PRKCE: variants seen among roughly 807,000 people sequenced by gnomAD.
The protein encoded by PRKCE is protein kinase C epsilon, also known as protein kinase C epsilon type.
A neutral mutation model predicts 85.4 loss-of-function variants in PRKCE; 16 were observed. The ratio of observed to expected loss-of-function variants is 0.19; its 90% CI spans 0.13 to 0.28. The LOEUF (loss-of-function observed/expected upper bound fraction) is 0.28, where lower values mean the gene tolerates loss of function less well. PRKCE is among the 10% of genes least tolerant of loss of function. PRKCE has a pLI of 1.00. For synonymous variants in PRKCE, 388 were observed against 371.5 expected (o/e 1.04, Z -0.51); for missense variants, 573 against 975.2 (o/e 0.59, Z 5.49).
chr2:45,915,555 T>G (rs1169425000), intron 2 of PRKCE, among the ~76,000 whole-genome samples: 1 of 152,226 alleles, frequency 6.6e-6, no homozygotes, highest in East Asian at 1.9e-4. Flanking sequence ...AAGTTGTTTC[T>G]ACCTGAGGAG....
intron 10 of PRKCE, among the ~76,000 whole-genome samples, chr2:46,051,287 G>A (rs1264473131): frequency 6.6e-6 from 1 of 152,172 alleles, no homozygotes; most frequent in East Asian, 1.9e-4. Flanking sequence ...CTGGGCTGGT[G>A]GTTTCTGGTG....
chr2:46,139,972 A>G lies in PRKCE; in HGVS notation c.1593-5121A>G, dbSNP rs1205054035. Among the ~76,000 whole-genome samples, 2 of 152,192 alleles carry G rather than the reference A, an allele frequency of 1.3e-5. No individual in the cohort carries two copies. The highest frequency in any genetic ancestry group is 4.8e-5 in the African/African-American group (2 of 41,456). On this transcript the variant is annotated intron_variant, in intron 11 of 14. Transcript: ENST00000306156. This position sits in a 1 kb window ranked among gnomAD's most constrained non-coding sequence, Gnocchi z 5.2. ...AGTGAGAATAGATATTGGGACAACC[A>G]GAAATCTGCCATAAAATGTCATAAG... is the stretch of plus-strand genomic sequence containing the variant.
At chr2:45,673,885 A>G (rs543730418) in intron 1 of PRKCE, among the ~76,000 whole-genome samples, 4 of 152,312 alleles carry the variant, frequency 2.6e-5, no homozygotes, top group Non-Finnish European at 5.9e-5. Flanking sequence ...TTCCTATGGA[A>G]TTACATTGGC....
intron 6 of PRKCE, among the ~76,000 whole-genome samples, chr2:45,993,393 C>T (rs1703966540): frequency 6.6e-6 from 1 of 152,210 alleles, no homozygotes; most frequent in East Asian, 1.9e-4. Context: ...CACTATCTCA[C>T]ATCGTGCATG....
chr2:45,888,186 C>T (rs1056429903), intron 2 of PRKCE, among the ~76,000 whole-genome samples: 1 of 152,162 alleles, frequency 6.6e-6, no homozygotes, highest in Non-Finnish European at 1.5e-5. Flanking sequence ...TGGCAAAAGG[C>T]GCTGGGTTTG....
chr2:45,875,370 G>A (rs1267385647), intron 2 of PRKCE, among the ~76,000 whole-genome samples: 2 of 152,218 alleles, frequency 1.3e-5, no homozygotes, highest in Non-Finnish European at 2.9e-5. Flanking sequence ...CTAATGCAAT[G>A]TCCACAACCA....
intron 10 of PRKCE, among the ~76,000 whole-genome samples, chr2:46,066,019 G>T (rs1163826926): frequency 6.6e-6 from 1 of 152,120 alleles, no homozygotes; most frequent in Non-Finnish European, 1.5e-5. Context: ...CATCCGTCAA[G>T]ACTATTTAAC....
Position 46,068,101 on chromosome 2 carries a change from C to T in PRKCE, c.1438-18107C>T, listed in dbSNP as rs1464239714. ...GAGAGAGACTGGGGGTTTGTCTGCA[C>T]TTTTACATTATCAGTGGGTAGAATC... On this transcript the variant is annotated intron_variant, in intron 10 of 14. Coordinates refer to ENST00000306156, the MANE Select transcript of PRKCE (RefSeq NM_005400.3). The surrounding 1 kb of genome is among the most constrained non-coding windows in gnomAD (Gnocchi z 4.3). Among the ~76,000 whole-genome samples, 1 of 152,156 alleles carries T rather than the reference C, an allele frequency of 6.6e-6. No homozygotes were observed. Among genetic ancestry groups the T allele is most frequent in the Non-Finnish European group, 1.5e-5 (1 of 68,036 alleles).
chr2:45,973,251 C>G (rs920234851), intron 2 of PRKCE, among the ~76,000 whole-genome samples: 4 of 152,182 alleles, frequency 2.6e-5, no homozygotes, highest in Non-Finnish European at 2.9e-5. Flanking sequence ...TTGTATAGGC[C>G]ACTTTCTTCT....
rs116144657 is a variant in PRKCE, at chr2:45,653,162, C to T, written c.348+714C>T. Reference sequence around the variant, plus strand: ...AATCTTATTTAAAGTTATATTGTTTCTCTGTTTTGATTGTCAAGATACTGT... The same window carrying T: ...AATCTTATTTAAAGTTATATTGTTTTTCTGTTTTGATTGTCAAGATACTGT... On this transcript the variant is annotated intron_variant, in intron 1 of 14. Transcript: ENST00000306156. 5.2e-3 allele frequency among the ~76,000 whole-genome samples: 792 copies of T among 152,182 alleles called. 1 individual carries two copies. The highest frequency in any genetic ancestry group is 8.6e-3 in the Admixed American group (131 of 15,292).
At chr2:45,988,234 CGTTCCCATTCCT>C (rs1309716757) in intron 6 of PRKCE, among the ~76,000 whole-genome samples, 1 of 152,196 alleles carries the variant, frequency 6.6e-6, no homozygotes, top group African/African-American at 2.4e-5. Context: ...TTGCCATTCC[CGTTCCCATTCCT>C]GGAAATAGAT....
chr2:45,796,418 A>G (rs545847006), intron 1 of PRKCE, among the ~76,000 whole-genome samples: 1 of 152,374 alleles, frequency 6.6e-6, no homozygotes, highest in South Asian at 2.1e-4. Flanking sequence ...ATTAATATAC[A>G]TTATGAGAAC....
chr2:45,668,624 A>T (rs138639959), intron 1 of PRKCE, among the ~76,000 whole-genome samples: 76 of 152,172 alleles, frequency 5.0e-4, no homozygotes, highest in African/African-American at 1.7e-3. Context: ...ATATATTCAT[A>T]AAGTACTACA....
At chr2:46,094,615 T>C (rs1401418994) in intron 11 of PRKCE, among the ~76,000 whole-genome samples, 1 of 79,508 alleles carries the variant, frequency 1.3e-5, no homozygotes, top group East Asian at 4.2e-4. Context: ...CTACACACAC[T>C]GGGGTCTGTC....
At chr2:45,969,622 ACCT>A (rs1701974645) in intron 2 of PRKCE, among the ~76,000 whole-genome samples, 1 of 151,840 alleles carries the variant, frequency 6.6e-6, no homozygotes, top group African/African-American at 2.4e-5. Context: ...CAGTTCCCTC[ACCT>A]CCTGTTTGTG....
At chr2:45,897,002 C>T (rs1696197382) in intron 2 of PRKCE, among the ~76,000 whole-genome samples, 1 of 152,100 alleles carries the variant, frequency 6.6e-6, no homozygotes, top group African/African-American at 2.4e-5. Flanking sequence ...CCCTTGAGCC[C>T]ATGAGTTTGA....
intron 6 of PRKCE, among the ~76,000 whole-genome samples, chr2:45,992,686 G>T (rs1334118901): frequency 6.6e-6 from 1 of 152,226 alleles, no homozygotes; most frequent in African/African-American, 2.4e-5. Flanking sequence ...CTTAGGAGTG[G>T]CTCTGTCACC....
intron 1 of PRKCE, among the ~76,000 whole-genome samples, chr2:45,829,812 G>A (rs888803238): frequency 4.6e-5 from 7 of 152,010 alleles, no homozygotes; most frequent in African/African-American, 1.2e-4. Flanking sequence ...GGTGGCTCAC[G>A]CCTGTAATCC....
At chr2:45,864,986 A>G (rs1006568046) in intron 2 of PRKCE, among the ~76,000 whole-genome samples, 3 of 152,198 alleles carry the variant, frequency 2.0e-5, no homozygotes, top group Admixed American at 6.5e-5. Context: ...TACATTCCTA[A>G]GTTCTCAGGT....
Sources: gnomAD v4.1 joint callset for allele counts (sites outside exome capture counted in the v4.1 genomes callset) on GRCh38, gnomAD v4.1.1 for gene constraint, Gnocchi (gnomAD v3.1) non-coding constraint, MANE v1.5 for transcripts, NCBI Gene and HGNC (gene_info 2026-07-23, HGNC 2026-07-21) for gene names.